Variants in PTCHD4 observed in about 807,000 individuals in gnomAD.
PTCHD4 encodes the protein patched domain containing 4.
PTCHD4 carries 33 observed loss-of-function variants against 58.1 expected under a neutral mutation model. That is an observed-to-expected ratio of 0.57 (90% CI 0.43 to 0.76). PTCHD4 has a LOEUF of 0.76. Ranked by LOEUF, PTCHD4 falls within the 30% of genes least tolerant of loss-of-function variation. The probability of loss-of-function intolerance (pLI) is 0.00; values close to 1 mark genes in which losing one functional copy is unlikely to be tolerated. For missense variants in PTCHD4, 1,058 were observed against 1,027.1 expected (o/e 1.03, Z -0.41); for synonymous variants, 478 against 409.6 (o/e 1.17, Z -2.02).
At chr6:48,070,527 C>T (rs141965716) in intron 1 of PTCHD4, among the ~76,000 whole-genome samples, 27 of 152,230 alleles carry the variant, frequency 1.8e-4, no homozygotes, top group African/African-American at 5.1e-4. Context: ...ATAAAAATTC[C>T]GCCCTTTCTA....
intron 4 of PTCHD4, among the ~76,000 whole-genome samples, chr6:47,988,007 C>T (rs1417347016): frequency 6.6e-6 from 1 of 152,122 alleles, no homozygotes; most frequent in African/African-American, 2.4e-5. Flanking sequence ...AAACTCCTGA[C>T]TTCAGGTGAT....
intron 4 of PTCHD4, among the ~76,000 whole-genome samples, chr6:47,985,008 A>G (rs1768008842): frequency 6.6e-6 from 1 of 152,160 alleles, no homozygotes; most frequent in African/African-American, 2.4e-5. Flanking sequence ...TGCATTGGGA[A>G]TTCCAAATAT....
Position 47,860,031 on chromosome 6 carries a change from G to A in PTCHD4, c.*18272C>T, listed in dbSNP as rs1458710478. 6.6e-6 allele frequency among the ~76,000 whole-genome samples: 1 copy of A among 152,010 alleles called. No individual in the cohort carries two copies. Among genetic ancestry groups the A allele is most frequent in the South Asian group, 2.1e-4 (1 of 4,830 alleles). ...CCAAGTTAATGTCTGTGAAGAGATG[G>A]TTCTTTTGTTTAGGCAGATAAAATG... On this transcript the variant is annotated 3_prime_UTR_variant, in exon 5 of 5. Transcript: ENST00000339488.
rs374190900 is a variant in PTCHD4 at position 47,888,321 on chromosome 6, C to T, written c.899-8385G>A. 8.5e-4 allele frequency among the ~76,000 whole-genome samples: 129 copies of T among 152,202 alleles called. 1 individual carries two copies. The South Asian group carries it at 0.026, about 31-fold the overall frequency. Reference sequence around the variant, plus strand: ...GCAGTGAGCCAAGATAGCGCCACTGCACTCCAGCCTGGGCGACAGCGCGAG... The same window carrying T: ...GCAGTGAGCCAAGATAGCGCCACTGTACTCCAGCCTGGGCGACAGCGCGAG... On this transcript the variant is annotated intron_variant, in intron 4 of 4. Transcript: ENST00000339488.
rs143114383 is a variant in PTCHD4 at position 47,877,823 on chromosome 6, C to T, written c.*480G>A. 6.6e-6 allele frequency among the ~76,000 whole-genome samples: 1 copy of T among 152,018 alleles called. No homozygotes were observed. The highest frequency in any genetic ancestry group is 2.4e-5 in the African/African-American group (1 of 41,510). ...GTACACATAAAATGGATTGGGAAGT[C>T]CTTTGGTTTAGACAGTATTAAATAT... is the stretch of plus-strand genomic sequence containing the variant. On this transcript the variant is annotated 3_prime_UTR_variant, in exon 5 of 5. Transcript: ENST00000339488.
At chr6:47,890,037 A>G (rs920385433) in intron 4 of PTCHD4, among the ~76,000 whole-genome samples, 10 of 151,972 alleles carry the variant, frequency 6.6e-5, no homozygotes, top group African/African-American at 2.4e-4. Context: ...ATGTGTGTAT[A>G]TATATATATG....
chr6:47,898,686 A>G (rs1377869458), intron 4 of PTCHD4, among the ~76,000 whole-genome samples: 5 of 152,146 alleles, frequency 3.3e-5, no homozygotes, highest in African/African-American at 1.2e-4. Flanking sequence ...GGATACTTCT[A>G]CCTCCCAACT....
intron 4 of PTCHD4, among the ~76,000 whole-genome samples, chr6:47,982,940 C>A (rs992732670): frequency 9.2e-5 from 14 of 152,054 alleles, no homozygotes; most frequent in African/African-American, 3.4e-4. Context: ...CCAGTGTATA[C>A]CAAGATAAAT....
At chr6:48,060,701 C>T (rs572991267) in intron 3 of PTCHD4, among the ~76,000 whole-genome samples, 5 of 152,222 alleles carry the variant, frequency 3.3e-5, no homozygotes, top group African/African-American at 1.2e-4. Context: ...TCTTGAACTC[C>T]TGGGCTCAAA....
chr6:47,998,244 G>A (rs1369709808), intron 4 of PTCHD4, among the ~76,000 whole-genome samples: 1 of 152,050 alleles, frequency 6.6e-6, no homozygotes, highest in Admixed American at 6.6e-5. Context: ...AGAAATGGAA[G>A]TACCTGCCAT....
At position 47,858,310 on chromosome 6, in the gene PTCHD4, A is replaced by T. The variant is rs1381958605; in HGVS notation, c.*19993T>A. 1.3e-5 allele frequency among the ~76,000 whole-genome samples: 2 copies of T among 152,056 alleles called. No individual in the cohort carries two copies. Among genetic ancestry groups the T allele is most frequent in the Non-Finnish European group, 2.9e-5 (2 of 67,972 alleles). On this transcript the variant is annotated 3_prime_UTR_variant, in exon 5 of 5. Transcript: ENST00000339488. ...TCATATTCACCTTACTCCATTAATAAATTTCTTCTGTAGAACAAAGTAATG... is the reference window on the plus strand; with the variant it reads ...TCATATTCACCTTACTCCATTAATATATTTCTTCTGTAGAACAAAGTAATG...
At chr6:47,984,265 G>A (rs1352602884) in intron 4 of PTCHD4, among the ~76,000 whole-genome samples, 1 of 152,126 alleles carries the variant, frequency 6.6e-6, no homozygotes, top group East Asian at 1.9e-4. Flanking sequence ...AGGTTTAATT[G>A]ACTCACAGTT....
rs1369952750 is a variant in PTCHD4 at position 47,872,560 on chromosome 6, A to C, written c.*5743T>G. 6.6e-6 allele frequency among the ~76,000 whole-genome samples: 1 copy of C among 151,496 alleles called. No individual in the cohort carries two copies. Among genetic ancestry groups the C allele is most frequent in the East Asian group, 1.9e-4 (1 of 5,140 alleles). ...AGTGGTGATTCCTACTCTGTTCCTA[A>C]AGTTTCTTTCTGATTTTTAAGATTT... On this transcript the variant is annotated 3_prime_UTR_variant, in exon 5 of 5. Coordinates refer to ENST00000339488, the MANE Select transcript of PTCHD4 (RefSeq NM_001384253.1).
intron 4 of PTCHD4, among the ~76,000 whole-genome samples, chr6:47,973,600 T>C (rs1420031659): frequency 1.3e-5 from 2 of 152,168 alleles, no homozygotes; most frequent in Non-Finnish European, 2.9e-5. Context: ...AGGTGTGCAG[T>C]GGGGCTGGGT....
At chr6:47,941,661 G>T (rs753617194) in intron 4 of PTCHD4, among the ~76,000 whole-genome samples, 4 of 152,046 alleles carry the variant, frequency 2.6e-5, no homozygotes, top group African/African-American at 9.7e-5. Context: ...ATACTAATTC[G>T]CTGTTTGACT....
rs367691802 is a variant in PTCHD4, at chr6:48,008,805, T to C, written c.727A>G (p.Thr243Ala). ...ATGGAGCTGGAGAGGGTGGCTGTGG[T>C]CAGGATCAGCACGAGGCTCACCAGG... is the stretch of plus-strand genomic sequence containing the variant. ...KVLVSLVLIL[T>A]TATLSSSMKD... Residue 243 changes from threonine (T) to alanine (A), a missense_variant, in exon 4 of 5, where the codon ACC (threonine) becomes GCC (alanine). Physicochemically the swap from Thr to Ala is moderately conservative, Grantham distance 58. Transcript: ENST00000339488. 20 of 1,613,874 alleles carry C rather than the reference T, an allele frequency of 1.2e-5. No individual in the cohort carries two copies. The highest frequency in any genetic ancestry group is 3.4e-6 in the Non-Finnish European group (4 of 1,179,900).
chr6:47,938,945 C>A (rs1241768647), intron 4 of PTCHD4, among the ~76,000 whole-genome samples: 1 of 151,872 alleles, frequency 6.6e-6, no homozygotes, highest in Non-Finnish European at 1.5e-5. Flanking sequence ...AGGTCACAGT[C>A]GAGTGGAAAG....
At chr6:47,906,925 A>G (rs889578945) in intron 4 of PTCHD4, among the ~76,000 whole-genome samples, 6 of 152,308 alleles carry the variant, frequency 3.9e-5, no homozygotes, top group African/African-American at 1.2e-4. Context: ...TTACTCATGC[A>G]GAAACTTAAT....
rs192589769 is a variant in PTCHD4, at chr6:48,105,184, T to C, written c.-970+5865A>G. ...GCACCACACCACACCTATTCCAAAA[T>C]TGACCACATAGTTGGAAGTAAACCA... is the stretch of plus-strand genomic sequence containing the variant. On this transcript the variant is annotated intron_variant, in intron 1 of 4. Coordinates refer to ENST00000339488, the MANE Select transcript of PTCHD4 (RefSeq NM_001384253.1). Among the ~76,000 whole-genome samples, 463 of 152,232 alleles carry C rather than the reference T, an allele frequency of 3.0e-3. 3 individuals carry two copies. Among genetic ancestry groups the C allele is most frequent in the African/African-American group, 0.011 (437 of 41,538 alleles).
Sources: gnomAD v4.1 joint callset for allele counts (sites outside exome capture counted in the v4.1 genomes callset) on GRCh38, gnomAD v4.1.1 for gene constraint, MANE v1.5 for transcripts, NCBI Gene and HGNC (gene_info 2026-07-23, HGNC 2026-07-21) for gene names.